Variants in PDE7B observed in about 807,000 individuals in gnomAD.
The protein encoded by PDE7B is phosphodiesterase 7B.
PDE7B carries 29 observed loss-of-function variants against 56.2 expected under a neutral mutation model. That is an observed-to-expected ratio of 0.52 (90% CI 0.38 to 0.70). PDE7B has a LOEUF of 0.70. Among genes scored for constraint, PDE7B ranks in the 30% least tolerant of loss-of-function variants. The probability of loss-of-function intolerance (pLI) is 0.00; values close to 1 mark genes in which losing one functional copy is unlikely to be tolerated. For missense variants in PDE7B, 490 were observed against 565.0 expected (o/e 0.87, Z 1.35); for synonymous variants, 197 against 196.9 (o/e 1.00, Z 0.00).
intron 10 of PDE7B, among the ~76,000 whole-genome samples, chr6:136,179,382 C>G (rs1047470752): frequency 1.3e-5 from 2 of 152,060 alleles, no homozygotes; most frequent in South Asian, 4.1e-4. Flanking sequence ...CCACTCAGGG[C>G]CATGATCAAT....
intron 3 of PDE7B, among the ~76,000 whole-genome samples, chr6:136,131,518 T>TTTTTTTTTTTTTTC (rs1778117743): frequency 6.7e-6 from 1 of 149,280 alleles, no homozygotes; most frequent in African/African-American, 2.5e-5. Flanking sequence ...TTTTTTTTTT[T>TTTTTTTTTTTTTTC]TGAGCCGCCT....
At chr6:135,991,999 A>G (rs1775487647) in intron 2 of PDE7B, 1 of 152,194 alleles carries the variant, frequency 6.6e-6, no homozygotes. Flanking sequence ...GCTGAAATAT[A>G]TGTTAATCAA....
intron 8 of PDE7B, among the ~76,000 whole-genome samples, chr6:136,159,811 T>G (rs1332815314): frequency 1.3e-5 from 2 of 152,240 alleles, no homozygotes; most frequent in Non-Finnish European, 2.9e-5. Flanking sequence ...ATTTGAAGTA[T>G]TTTAATCAAA....
chr6:135,885,328 GTTTT>G (rs11325233), intron 1 of PDE7B, among the ~76,000 whole-genome samples: 18 of 143,502 alleles, frequency 1.3e-4, no homozygotes, highest in African/African-American at 4.0e-4. Context: ...CTTGTTTGTT[GTTTT>G]TTTTTTTTTT....
At chr6:136,142,480 G>T (rs1349268869) in intron 3 of PDE7B, among the ~76,000 whole-genome samples, 6 of 152,176 alleles carry the variant, frequency 3.9e-5, no homozygotes, top group Non-Finnish European at 8.8e-5. Context: ...TCCTCTTGGT[G>T]CAGAGCTGAG....
chr6:136,097,995 C>T (rs772525279), intron 2 of PDE7B: 3 of 152,056 alleles, frequency 2.0e-5, no homozygotes, highest in East Asian at 3.9e-4. Context: ...AACATATGTT[C>T]ACCTTAAATT....
intron 2 of PDE7B, among the ~76,000 whole-genome samples, chr6:136,079,335 A>T (rs972643108): frequency 3.9e-5 from 6 of 152,192 alleles, no homozygotes; most frequent in African/African-American, 1.4e-4. Flanking sequence ...TTTACACATT[A>T]AGACTGTACC....
At chr6:136,186,261 A>C (rs1779143386) in intron 11 of PDE7B, among the ~76,000 whole-genome samples, 1 of 151,970 alleles carries the variant, frequency 6.6e-6, no homozygotes, top group Admixed American at 6.6e-5. Flanking sequence ...ACTAAAAATA[A>C]AAATTTAAAA....
intron 10 of PDE7B, among the ~76,000 whole-genome samples, chr6:136,180,006 T>C (rs1317798370): frequency 1.3e-5 from 2 of 152,162 alleles, no homozygotes; most frequent in African/African-American, 4.8e-5. Context: ...TTCTTGATCT[T>C]CCATTTTCTC....
At chr6:136,102,076 C>T (rs536863585) in intron 2 of PDE7B, among the ~76,000 whole-genome samples, 4 of 152,234 alleles carry the variant, frequency 2.6e-5, no homozygotes, top group Non-Finnish European at 4.4e-5. Flanking sequence ...CAAGGGCTCC[C>T]GAGGGCACCT....
chr6:135,907,900 A>C (rs1011185999), intron 1 of PDE7B, among the ~76,000 whole-genome samples: 1 of 152,186 alleles, frequency 6.6e-6, no homozygotes, highest in African/African-American at 2.4e-5. Flanking sequence ...GATTGAAAAG[A>C]CATGTCATAT....
intron 2 of PDE7B, among the ~76,000 whole-genome samples, chr6:136,063,940 C>T (rs1005714739): frequency 4.6e-5 from 7 of 152,162 alleles, no homozygotes; most frequent in Non-Finnish European, 1.0e-4. Flanking sequence ...AAATTCCCCT[C>T]CAACACCCAT....
chr6:136,100,970 G>T (rs998130302), intron 2 of PDE7B, among the ~76,000 whole-genome samples: 2 of 152,104 alleles, frequency 1.3e-5, no homozygotes, highest in Non-Finnish European at 2.9e-5. Context: ...AGAGTTTTTA[G>T]CATGAAAGGC....
intron 1 of PDE7B, among the ~76,000 whole-genome samples, chr6:135,910,563 A>G (rs1043187038): frequency 6.6e-6 from 1 of 152,174 alleles, no homozygotes; most frequent in South Asian, 2.1e-4. Context: ...GCTACAGTTG[A>G]TGCATCTACA....
Position 136,050,187 on chromosome 6 carries a change from G to A in PDE7B, c.83-58544G>A, listed in dbSNP as rs553419140. Among the ~76,000 whole-genome samples the A allele has an allele frequency of 1.1e-4, 16 of 152,198 alleles. No individual in the cohort carries two copies. In the South Asian group the frequency reaches 2.1e-3, roughly 20 times the overall value. On this transcript the variant is annotated intron_variant, in intron 2 of 12. Transcript: ENST00000308191. The stretch of plus-strand genomic sequence containing the variant: ...TCCTTTTCACTCCCAAATACTTAAC[G>A]TCTCCGTGATGCGTGATGGCACTAT...
intron 2 of PDE7B, among the ~76,000 whole-genome samples, chr6:135,968,515 A>G (rs1163464163): frequency 2.0e-5 from 3 of 152,236 alleles, no homozygotes; most frequent in African/African-American, 7.2e-5. Context: ...AAAAGAAGAT[A>G]TTTATGCAGC....
At chr6:136,130,501 T>C (rs1778099279) in intron 3 of PDE7B, among the ~76,000 whole-genome samples, 1 of 152,212 alleles carries the variant, frequency 6.6e-6, no homozygotes, top group African/African-American at 2.4e-5. Flanking sequence ...GAGCACCCGC[T>C]AGACAAATGA....
chr6:136,157,729 C>T (rs1312560810), intron 8 of PDE7B, among the ~76,000 whole-genome samples: 1 of 152,002 alleles, frequency 6.6e-6, no homozygotes, highest in Non-Finnish European at 1.5e-5. Flanking sequence ...AAAAAAAGAA[C>T]ATAGAAAAAG....
intron 1 of PDE7B, among the ~76,000 whole-genome samples, chr6:135,935,218 T>TTATATATATATATATATA (rs1774401330): frequency 8.6e-5 from 3 of 34,732 alleles, no homozygotes; most frequent in South Asian, 2.2e-3. Flanking sequence ...ATATATATAT[T>TTATATATATATATATATA]TTCATGATTC....
Sources: gnomAD v4.1 joint callset for allele counts (sites outside exome capture counted in the v4.1 genomes callset) on GRCh38, gnomAD v4.1.1 for gene constraint, MANE v1.5 for transcripts, NCBI Gene and HGNC (gene_info 2026-07-23, HGNC 2026-07-21) for gene names.